Variants in RFPL2 observed in about 807,000 individuals in gnomAD.
RFPL2 encodes ret finger protein like 2, also known as ret finger protein-like 2.
RFPL2 carries 13 observed loss-of-function variants against 17.8 expected under a neutral mutation model. The ratio of observed to expected loss-of-function variants is 0.73; its 90% confidence interval spans 0.47 to 1.16. The LOEUF is 1.16. Among genes scored for constraint, RFPL2 ranks in the 50% most tolerant of loss-of-function variants. RFPL2 has a pLI of 0.00. For synonymous variants in RFPL2, 189 were observed against 180.9 expected (o/e 1.04, Z -0.36); for missense variants, 431 against 479.3 (o/e 0.90, Z 0.94).
At chr22:32,198,815 T>A (rs2123795587) in intron 2 of RFPL2, among the ~76,000 whole-genome samples, 1 of 149,870 alleles carries the variant, frequency 6.7e-6, no homozygotes, top group South Asian at 2.1e-4. Context: ...CTAGGCCGGG[T>A]GACCTACACA....
intron 2 of RFPL2, among the ~76,000 whole-genome samples, chr22:32,195,919 C>G (rs1447391349): frequency 6.6e-6 from 1 of 152,020 alleles, no homozygotes; most frequent in Non-Finnish European, 1.5e-5. Flanking sequence ...TCTCCCCAAG[C>G]TCCCCTCCCT....
chr22:32,201,039 CTTT>C (rs136492), intron 2 of RFPL2, among the ~76,000 whole-genome samples: 6 of 130,530 alleles, frequency 4.6e-5, no homozygotes, highest in Non-Finnish European at 3.2e-5. Flanking sequence ...CCCTTATTTC[CTTT>C]TTTTTTTTTT....
At position 32,202,448 on chromosome 22, in the gene RFPL2, C is replaced by G. The variant is rs758026438; in HGVS notation, c.4G>C (p.Glu2Gln). 31 of 1,587,870 alleles carry G rather than the reference C, an allele frequency of 2.0e-5. No individual in the cohort carries two copies. The highest frequency in any genetic ancestry group is 2.3e-5 in the Non-Finnish European group (27 of 1,166,936). M[E>Q]VAELGFPETA... ...TCTGGGAAGCCTAATTCAGCCACCT[C>G]CATCGGAGGCAAATCATGGTGCCAC... The change falls in exon 2 of 5, where the codon GAG (glutamate) becomes CAG (glutamine). Residue 2 changes from glutamate to glutamine, a missense_variant. Coordinates refer to ENST00000652607, the MANE Select transcript of RFPL2 (RefSeq NM_001394555.1).
At chr22:32,201,190 A>T (rs2123810497) in intron 2 of RFPL2, among the ~76,000 whole-genome samples, 1 of 151,566 alleles carries the variant, frequency 6.6e-6, no homozygotes, top group Non-Finnish European at 1.5e-5. Flanking sequence ...GGCGCCCACC[A>T]CCACACCTGG....
intron 2 of RFPL2, among the ~76,000 whole-genome samples, chr22:32,196,370 A>G (rs1923334684): frequency 1.3e-5 from 2 of 152,240 alleles, no homozygotes; most frequent in East Asian, 3.8e-4. Context: ...TATATTTTTA[A>G]AAGACCTACA....
intron 2 of RFPL2, among the ~76,000 whole-genome samples, chr22:32,194,865 T>C (rs56086630): frequency 0.13 from 20,243 of 152,260 alleles, 1,516 homozygotes; most frequent in Non-Finnish European, 0.15. Flanking sequence ...TTTGTTTCCA[T>C]TGGTTTATTT....
intron 4 of RFPL2, among the ~76,000 whole-genome samples, chr22:32,191,844 CA>C (rs1922689402): frequency 6.6e-6 from 1 of 151,712 alleles, no homozygotes; most frequent in Non-Finnish European, 1.5e-5. Flanking sequence ...AATATCTCTG[CA>C]GCTGACGGTG....
In RFPL2 at chr22:32,202,617, G is replaced by T. The variant is rs1453575461; in HGVS notation, c.-99-67C>A. 2.1e-5 allele frequency: 30 copies of T among 1,424,042 alleles called. No homozygotes were observed. The Admixed American group carries it at 7.6e-4, about 36-fold the overall frequency. 88.2% of individuals were successfully genotyped at this position (1,424,042 alleles called of 1,614,324 possible). ...TCATGCTGGCCACTGGGTGGCAGGG[G>T]CCGGTTTCAGCGAAGGTACTCACAC... is the stretch of plus-strand genomic sequence containing the variant. On this transcript the variant is annotated intron_variant, in intron 1 of 4. Coordinates refer to ENST00000652607, the MANE Select transcript of RFPL2 (RefSeq NM_001394555.1).
intron 1 of RFPL2, among the ~76,000 whole-genome samples, chr22:32,204,496 G>A (rs1201596412): frequency 1.3e-5 from 2 of 152,134 alleles, no homozygotes; most frequent in Non-Finnish European, 2.9e-5. Context: ...CTCCCACCTC[G>A]GGCAGTGCAG....
At chr22:32,200,386 T>C (rs1923790402) in intron 2 of RFPL2, among the ~76,000 whole-genome samples, 1 of 151,948 alleles carries the variant, frequency 6.6e-6, no homozygotes. Flanking sequence ...CTGCTCCCTC[T>C]CTTCATTTCT....
intron 2 of RFPL2, among the ~76,000 whole-genome samples, chr22:32,196,407 A>C (rs535494572): frequency 1.3e-5 from 2 of 152,346 alleles, no homozygotes; most frequent in Admixed American, 1.3e-4. Context: ...AATGATTTAC[A>C]GTGGGATGAG....
At chr22:32,201,909 G>A (rs1471108672) in intron 2 of RFPL2, among the ~76,000 whole-genome samples, 1 of 152,152 alleles carries the variant, frequency 6.6e-6, no homozygotes, top group African/African-American at 2.4e-5. Context: ...CTTGCCCATG[G>A]CCACTGTCAC....
In RFPL2 at chr22:32,202,561, A is replaced by T. The variant is rs1924042935; in HGVS notation, c.-99-11T>A. On this transcript the variant is annotated splice_polypyrimidine_tract_variant and intron_variant, in intron 1 of 4. Coordinates refer to ENST00000652607, the MANE Select transcript of RFPL2 (RefSeq NM_001394555.1). ...CAAAGCCAGAAAAGCCTAGAACAGG[A>T]TGCAGAGTGGTAACATTAGAGCGCA... The T allele has an allele frequency of 4.7e-6, 7 of 1,498,762 alleles. No homozygotes were observed. Among genetic ancestry groups the T allele is most frequent in the Admixed American group, 2.2e-5 (1 of 45,938 alleles). 92.8% of individuals were successfully genotyped at this position (1,498,762 alleles called of 1,614,324 possible). A position where few individuals can be genotyped will look rare whatever the true frequency, so the allele number is the denominator to read the frequency against.
chr22:32,191,158 T>C lies in RFPL2; in HGVS notation c.751A>G (p.Thr251Ala). 2 of 1,613,930 alleles carry C rather than the reference T, an allele frequency of 1.2e-6. No homozygotes were observed. Among genetic ancestry groups the C allele is most frequent in the South Asian group, 2.2e-5 (2 of 91,070 alleles). The change falls in exon 5 of 5, where the codon ACA (threonine) becomes GCA (alanine). Residue 251 changes from threonine (T) to alanine (A), a missense_variant. By Grantham distance (58) the Thr-to-Ala change is moderately conservative (BLOSUM62 0). Transcript: ENST00000652607. ...HCWEVDVGTS[T>A]EWDLGVCRES... ...CTGCAGACTCCCAGGTCCCATTCTGTGCTTGTTCCCACGTCCACCTCCCAG... is the reference window on the plus strand; with the variant it reads ...CTGCAGACTCCCAGGTCCCATTCTGCGCTTGTTCCCACGTCCACCTCCCAG...
Position 32,190,900 on chromosome 22 carries a change from C to G in RFPL2, c.1009G>C (p.Glu337Gln). Residue 337 changes from glutamate to glutamine, a missense_variant, in exon 5 of 5, where the codon GAG (glutamate) becomes CAG (glutamine). Coordinates refer to ENST00000652607, the MANE Select transcript of RFPL2 (RefSeq NM_001394555.1). ...GCCAAAAATGGGCGCAATGGCTCCT[C>G]AGCAGATACGCTCCTGAATGTATAG... ...HVYTFRSVSA[E>Q]EPLRPFLAPS... The G allele has an allele frequency of 6.3e-7, 1 of 1,599,634 alleles. No individual in the cohort carries two copies. The highest frequency in any genetic ancestry group is 1.4e-5 in the African/African-American group (1 of 73,764).
intron 1 of RFPL2, 44 bp from the exon 2 acceptor site, chr22:32,202,594 A>G (rs935387460): frequency 7.0e-7 from 1 of 1,435,632 alleles, no homozygotes; most frequent in Non-Finnish European, 9.1e-7. Context: ...GCACCTTGTC[A>G]TGCTGGCCAC....
chr22:32,203,187 C>T, intron 1 of RFPL2: 1 of 739,218 alleles, frequency 1.4e-6, no homozygotes, highest in Non-Finnish European at 1.7e-6. Context: ...AGCCTGCCCC[C>T]TGCCACGGGC....
chr22:32,195,666 C>T (rs1284947173), intron 2 of RFPL2, among the ~76,000 whole-genome samples: 1 of 151,686 alleles, frequency 6.6e-6, no homozygotes. Context: ...CCATTTTGTC[C>T]AGGCTGGTCT....
At chr22:32,200,498 A>G (rs138856744) in intron 2 of RFPL2, among the ~76,000 whole-genome samples, 1 of 151,408 alleles carries the variant, frequency 6.6e-6, no homozygotes, top group East Asian at 2.0e-4. Context: ...AGGCTCCCAG[A>G]CTCCCAGGGG....
Sources: allele counts gnomAD v4.1 joint callset (sites outside exome capture counted in the v4.1 genomes callset), GRCh38; gene constraint gnomAD v4.1.1; transcripts MANE v1.5; gene names NCBI Gene and HGNC (gene_info 2026-07-23, HGNC 2026-07-21).